Variants in ST6GALNAC3 observed in about 807,000 individuals in gnomAD.
ST6GALNAC3 encodes alpha-N-acetylgalactosaminide alpha-2,6-sialyltransferase 3.
In ST6GALNAC3, 25 loss-of-function variants were observed where a neutral mutation model predicts 32.7. That is an observed-to-expected ratio of 0.76 (90% CI 0.56 to 1.07). The LOEUF is 1.07. ST6GALNAC3 is among the 50% of genes least tolerant of loss of function. The pLI is 0.00. For missense variants in ST6GALNAC3, 355 were observed against 382.4 expected (o/e 0.93, Z 0.60); for synonymous variants, 129 against 133.1 (o/e 0.97, Z 0.21).
At position 76,594,693 on chromosome 1, in the gene ST6GALNAC3, CTT is replaced by C. The variant is rs540821615; in HGVS notation, c.624-32757_624-32756del. 7.4e-4 allele frequency among the ~76,000 whole-genome samples: 113 copies of C among 152,264 alleles called. No homozygotes were observed. In the East Asian group the frequency reaches 0.015, roughly 20 times the overall value. On this transcript the variant is annotated intron_variant, in intron 3 of 4. Coordinates refer to ENST00000328299, the MANE Select transcript of ST6GALNAC3 (RefSeq NM_152996.4). ...ATAGATAAAGCTGCTCCTTTGGGCT[CTT>C]TAACCTCTTTGATCATCTTTCAATA... is the stretch of plus-strand genomic sequence containing the variant.
intron 2 of ST6GALNAC3, among the ~76,000 whole-genome samples, chr1:76,330,701 T>C (rs192084188): frequency 3.1e-4 from 47 of 152,340 alleles, no homozygotes; most frequent in Non-Finnish European, 2.9e-5. Flanking sequence ...TATTCCACCA[T>C]TTAGAAATGA....
intron 2 of ST6GALNAC3, among the ~76,000 whole-genome samples, chr1:76,331,337 G>GA (rs1647183114): frequency 6.6e-6 from 1 of 152,150 alleles, no homozygotes; most frequent in Non-Finnish European, 1.5e-5. Context: ...AAATTAATCA[G>GA]ATAAACAAAT....
At position 76,509,226 on chromosome 1, in the gene ST6GALNAC3, A is replaced by G. The variant is rs1661680629; in HGVS notation, c.623+96809A>G. The stretch of plus-strand genomic sequence containing the variant: ...AATAAACAGGCAAACAAACAGGAAA[A>G]CACAAATTGGAAGATAAATAAAAGG... On this transcript the variant is annotated intron_variant, in intron 3 of 4. Transcript: ENST00000328299. The surrounding 1 kb of genome is among the most constrained non-coding windows in gnomAD (Gnocchi z 5.5). Among the ~76,000 whole-genome samples the G allele has an allele frequency of 6.6e-6, 1 of 152,188 alleles. No homozygotes were observed.
At chr1:76,213,834 C>T (rs1655306316) in intron 1 of ST6GALNAC3, among the ~76,000 whole-genome samples, 1 of 152,166 alleles carries the variant, frequency 6.6e-6, no homozygotes, top group Non-Finnish European at 1.5e-5. Context: ...ATTCAGACTA[C>T]ATGCTTTAGA....
chr1:76,251,191 C>T (rs951792956), intron 1 of ST6GALNAC3, among the ~76,000 whole-genome samples: 1 of 152,124 alleles, frequency 6.6e-6, no homozygotes, highest in Non-Finnish European at 1.5e-5. Flanking sequence ...CATTATCACC[C>T]GCATGTCACT....
intron 3 of ST6GALNAC3, among the ~76,000 whole-genome samples, chr1:76,496,775 C>T (rs74706519): frequency 5.4e-4 from 82 of 152,234 alleles, no homozygotes; most frequent in African/African-American, 1.9e-3. Flanking sequence ...TGTTTATCAC[C>T]GGCTTAGGAG....
chr1:76,132,146 C>T (rs985863106), intron 1 of ST6GALNAC3, among the ~76,000 whole-genome samples: 15 of 152,194 alleles, frequency 9.9e-5, no homozygotes, highest in African/African-American at 3.4e-4. Flanking sequence ...CGTCCACCCC[C>T]ACAGGGCACA....
At chr1:76,587,966 C>T (rs1357901389) in intron 3 of ST6GALNAC3, among the ~76,000 whole-genome samples, 1 of 152,142 alleles carries the variant, frequency 6.6e-6, no homozygotes, top group African/African-American at 2.4e-5. Flanking sequence ...GGGACCTATC[C>T]CTGGGAGACC....
intron 2 of ST6GALNAC3, among the ~76,000 whole-genome samples, chr1:76,376,579 G>T (rs755925749): frequency 9.9e-5 from 15 of 152,120 alleles, no homozygotes; most frequent in Admixed American, 2.6e-4. Context: ...TTTGAGATAG[G>T]ATTTTTATAT....
intron 2 of ST6GALNAC3, among the ~76,000 whole-genome samples, chr1:76,392,308 AC>A (rs1205958770): frequency 2.6e-5 from 4 of 152,230 alleles, no homozygotes; most frequent in Admixed American, 6.5e-5. Context: ...TTTCTCAACA[AC>A]TTATCACATT....
intron 1 of ST6GALNAC3, among the ~76,000 whole-genome samples, chr1:76,254,779 C>T (rs1474695773): frequency 2.6e-5 from 4 of 151,974 alleles, no homozygotes; most frequent in Non-Finnish European, 5.9e-5. Context: ...ATCTAATTGG[C>T]TTTTATTAGT....
intron 1 of ST6GALNAC3, among the ~76,000 whole-genome samples, chr1:76,232,492 C>G (rs1275922886): frequency 6.6e-6 from 1 of 152,178 alleles, no homozygotes; most frequent in Non-Finnish European, 1.5e-5. Flanking sequence ...CAGGTGGGAC[C>G]AAGCCTGTGC....
chr1:76,364,133 A>G (rs1650181017), intron 2 of ST6GALNAC3, among the ~76,000 whole-genome samples: 1 of 152,238 alleles, frequency 6.6e-6, no homozygotes, highest in African/African-American at 2.4e-5. Context: ...AAAACTCTGA[A>G]AACAGATATT....
chr1:76,562,313 A>G, intron 3 of ST6GALNAC3, among the ~76,000 whole-genome samples: 1 of 152,224 alleles, frequency 6.6e-6, no homozygotes. Context: ...GTCACAGTGG[A>G]GGACAGGATG....
At chr1:76,572,062 G>T (rs1057494522) in intron 3 of ST6GALNAC3, among the ~76,000 whole-genome samples, 18 of 151,910 alleles carry the variant, frequency 1.2e-4, no homozygotes, top group African/African-American at 3.6e-4. Flanking sequence ...AAAATAATTA[G>T]CCAATTCCTT....
intron 1 of ST6GALNAC3, chr1:76,307,987 G>T: frequency 2.2e-6 from 1 of 455,772 alleles, no homozygotes; most frequent in Non-Finnish European, 4.5e-6. Flanking sequence ...CAGCACAGAG[G>T]GGATTAAATT....
intron 2 of ST6GALNAC3, among the ~76,000 whole-genome samples, chr1:76,367,623 TG>T (rs1650479381): frequency 6.6e-6 from 1 of 152,144 alleles, no homozygotes; most frequent in Non-Finnish European, 1.5e-5. Context: ...CTCTCTGAAC[TG>T]GATGAATGTC....
At chr1:76,462,886 C>T (rs1447644835) in intron 3 of ST6GALNAC3, among the ~76,000 whole-genome samples, 1 of 152,042 alleles carries the variant, frequency 6.6e-6, no homozygotes, top group Non-Finnish European at 1.5e-5. Flanking sequence ...TACATTGTGA[C>T]CAATTACATA....
chr1:76,466,988 A>G (rs1049494777), intron 3 of ST6GALNAC3, among the ~76,000 whole-genome samples: 3 of 152,092 alleles, frequency 2.0e-5, no homozygotes, highest in African/African-American at 7.2e-5. Flanking sequence ...TAATGAAAAG[A>G]TGTTTTTATT....
Sources: gnomAD v4.1 joint callset for allele counts (sites outside exome capture counted in the v4.1 genomes callset) on GRCh38, gnomAD v4.1.1 for gene constraint, Gnocchi (gnomAD v3.1) non-coding constraint, MANE v1.5 for transcripts, NCBI Gene and HGNC (gene_info 2026-07-23, HGNC 2026-07-21) for gene names.